SUSD4: variants seen among roughly 807,000 people sequenced by gnomAD.
SUSD4 encodes sushi domain-containing protein 4.
SUSD4 carries 41 observed loss-of-function variants against 50.5 expected under a neutral mutation model. That is an observed-to-expected ratio of 0.81 (90% CI 0.63 to 1.05). The LOEUF (loss-of-function observed/expected upper bound fraction) is 1.05, where lower values mean the gene tolerates loss of function less well. Ranked by LOEUF, SUSD4 falls within the 50% of genes least tolerant of loss-of-function variation. The pLI is 0.00. For synonymous variants in SUSD4, 257 were observed against 257.3 expected, an observed-to-expected ratio of 1.00 and a Z score of 0.01; for missense variants, 580 against 634.7, an observed-to-expected ratio of 0.91 and a Z score of 0.93.
At chr1:223,300,154 C>T (rs1030408877) in intron 2 of SUSD4, among the ~76,000 whole-genome samples, 3 of 152,122 alleles carry the variant, frequency 2.0e-5, no homozygotes, top group African/African-American at 7.2e-5. Flanking sequence ...AGGGTCCTGG[C>T]CTGCAGTACC....
intron 2 of SUSD4, among the ~76,000 whole-genome samples, chr1:223,298,454 C>T (rs908212175): frequency 7.2e-5 from 11 of 152,296 alleles, no homozygotes; most frequent in Middle Eastern, 6.8e-3. Context: ...CCAAACACTT[C>T]AGCCCTCTTC....
intron 2 of SUSD4, among the ~76,000 whole-genome samples, chr1:223,333,535 T>C (rs1176752617): frequency 2.0e-5 from 3 of 152,196 alleles, no homozygotes; most frequent in Non-Finnish European, 4.4e-5. Flanking sequence ...AAATGGCATA[T>C]ACCCCCAACA....
intron 5 of SUSD4, among the ~76,000 whole-genome samples, chr1:223,233,888 TG>T (rs149861339): frequency 0.07 from 10,633 of 152,268 alleles, 895 homozygotes; most frequent in African/African-American, 0.2. Context: ...TTGTGAGGCT[TG>T]GGAGTCTGGA....
In SUSD4 at chr1:223,221,980, G is replaced by A; in HGVS notation, c.*212C>T. The stretch of plus-strand genomic sequence containing the variant: ...TTCCCTGCTGCCCCGGTTCCCCATG[G>A]GTCTTGGTGAATCCTCAAATCTCAT... On this transcript the variant is annotated 3_prime_UTR_variant, in exon 9 of 9. Coordinates refer to ENST00000366878, the MANE Select transcript of SUSD4 (RefSeq NM_017982.4). 1 of 527,198 alleles carries A rather than the reference G, an allele frequency of 1.9e-6. No individual in the cohort carries two copies. The highest frequency in any genetic ancestry group is 3.3e-6 in the Non-Finnish European group (1 of 300,612). 32.7% of individuals were successfully genotyped at this position (527,198 alleles called of 1,614,324 possible).
chr1:223,312,120 C>A (rs1665912851), intron 2 of SUSD4, among the ~76,000 whole-genome samples: 1 of 152,110 alleles, frequency 6.6e-6, no homozygotes, highest in East Asian at 1.9e-4. Flanking sequence ...TTTACACCAG[C>A]CAATCTGAAA....
intron 2 of SUSD4, among the ~76,000 whole-genome samples, chr1:223,296,035 G>C (rs1347147434): frequency 7.0e-6 from 1 of 143,640 alleles, no homozygotes; most frequent in Non-Finnish European, 1.6e-5. Flanking sequence ...TCAAAGGACA[G>C]ATCAATTGAG....
chr1:223,350,696 C>T (rs1006347122), intron 2 of SUSD4, among the ~76,000 whole-genome samples: 1 of 152,322 alleles, frequency 6.6e-6, no homozygotes, highest in South Asian at 2.1e-4. Context: ...CAGCCCTCTT[C>T]TAATCAAGCT....
intron 2 of SUSD4, among the ~76,000 whole-genome samples, chr1:223,314,940 T>C (rs1033823533): frequency 1.3e-5 from 2 of 152,240 alleles, no homozygotes; most frequent in Non-Finnish European, 2.9e-5. Context: ...TTTTCTCCCC[T>C]AGAACAAAGA....
At chr1:223,242,925 G>C (rs980124290) in intron 5 of SUSD4, among the ~76,000 whole-genome samples, 1 of 152,124 alleles carries the variant, frequency 6.6e-6, no homozygotes, top group African/African-American at 2.4e-5. Flanking sequence ...AATTCCTCAC[G>C]TCCCACTTGT....
intron 4 of SUSD4, among the ~76,000 whole-genome samples, chr1:223,265,998 T>G (rs1662466504): frequency 1.3e-5 from 2 of 152,220 alleles, no homozygotes; most frequent in South Asian, 4.1e-4. Context: ...TGAAGGGATC[T>G]CTCAGCAAAT....
intron 5 of SUSD4, among the ~76,000 whole-genome samples, chr1:223,252,531 T>C (rs1661404462): frequency 6.6e-6 from 1 of 152,092 alleles, no homozygotes; most frequent in African/African-American, 2.4e-5. Flanking sequence ...GCTTTAGCCA[T>C]GGTTGGCTAT....
At chr1:223,289,254 C>T in intron 3 of SUSD4, 1 of 985,434 alleles carries the variant, frequency 1.0e-6, no homozygotes, top group Non-Finnish European at 1.2e-6. Context: ...TGGGGTCATG[C>T]AGGCTCCAGT....
intron 2 of SUSD4, among the ~76,000 whole-genome samples, chr1:223,348,005 T>C (rs1335912266): frequency 2.0e-5 from 3 of 152,088 alleles, no homozygotes; most frequent in African/African-American, 7.2e-5. Context: ...GCAACCTCTA[T>C]GGCCCCTTCA....
chr1:223,304,782 T>G (rs1665415822), intron 2 of SUSD4, among the ~76,000 whole-genome samples: 1 of 124,668 alleles, frequency 8.0e-6, no homozygotes, highest in Non-Finnish European at 1.6e-5. Context: ...CCTCTCTGTG[T>G]CTCAGGTTTC....
intron 5 of SUSD4, among the ~76,000 whole-genome samples, chr1:223,252,168 T>A (rs1189102541): frequency 6.8e-6 from 1 of 147,012 alleles, no homozygotes; most frequent in Non-Finnish European, 1.5e-5. Flanking sequence ...TGTATACATA[T>A]GTAACAAACC....
intron 2 of SUSD4, among the ~76,000 whole-genome samples, chr1:223,329,485 C>T (rs935047186): frequency 2.6e-5 from 4 of 152,192 alleles, no homozygotes; most frequent in African/African-American, 9.7e-5. Flanking sequence ...CTTTTCCCAG[C>T]ATTCCACCTA....
intron 2 of SUSD4, among the ~76,000 whole-genome samples, chr1:223,353,724 G>A (rs889987239): frequency 2.0e-5 from 3 of 152,060 alleles, no homozygotes; most frequent in Admixed American, 6.5e-5. Context: ...TTAAAATCCC[G>A]GTGCCCCAGG....
At chr1:223,273,044 G>A (rs1322359462) in intron 3 of SUSD4, among the ~76,000 whole-genome samples, 1 of 152,148 alleles carries the variant, frequency 6.6e-6, no homozygotes, top group Non-Finnish European at 1.5e-5. Context: ...GATAGGAAAG[G>A]GGCCCCTGAG....
chr1:223,279,941 TA>T (rs1186439583), intron 3 of SUSD4, among the ~76,000 whole-genome samples: 1 of 152,130 alleles, frequency 6.6e-6, no homozygotes, highest in African/African-American at 2.4e-5. Flanking sequence ...TCAACATTCT[TA>T]AAGAAAAGAA....
Sources: gnomAD v4.1 joint callset for allele counts (sites outside exome capture counted in the v4.1 genomes callset) on GRCh38, gnomAD v4.1.1 for gene constraint, MANE v1.5 for transcripts, NCBI Gene and HGNC (gene_info 2026-07-23, HGNC 2026-07-21) for gene names.